Variants in ERAP1 observed in about 807,000 individuals in gnomAD.
The protein encoded by ERAP1 is adipocyte-derived leucine aminopeptidase.
A neutral mutation model predicts 103.7 loss-of-function variants in ERAP1; 86 were observed. The ratio of observed to expected loss-of-function variants is 0.83; its 90% CI spans 0.70 to 0.99. ERAP1 has a LOEUF of 0.99. Among genes scored for constraint, ERAP1 ranks in the 50% least tolerant of loss-of-function variants. The pLI is 0.00. For synonymous variants in ERAP1, 398 were observed against 402.4 expected (o/e 0.99, Z 0.13); for missense variants, 1,009 against 1,128.4 (o/e 0.89, Z 1.52).
chr5:96,905,070 T>C, the ERAP1 span, among the ~76,000 whole-genome samples: 1 of 152,302 alleles, frequency 6.6e-6, no homozygotes, highest in East Asian at 1.9e-4. Context: ...GAGGATTGCA[T>C]AGGTAATGAA....
At chr5:96,836,231 T>G in the ERAP1 span, among the ~76,000 whole-genome samples, 145 of 145,138 alleles carry the variant, frequency 1.0e-3, 1 homozygote, top group East Asian at 0.02. Flanking sequence ...AGACAGAGTC[T>G]CACTCTGTCA....
In ERAP1 at chr5:96,781,047, G is replaced by A; in HGVS notation, c.2588+11C>T. 1 of 1,613,948 alleles carries A rather than the reference G, an allele frequency of 6.2e-7. No homozygotes were observed. The highest frequency in any genetic ancestry group is 8.5e-7 in the Non-Finnish European group (1 of 1,179,948). ...TTATCCAGTCACAGCACAATTTTTG[G>A]CACCACTTACTTTTGTACAAGTTTG... is the stretch of plus-strand genomic sequence containing the variant. On this transcript the variant is annotated intron_variant, in intron 17 of 18. Coordinates refer to ENST00000443439, the MANE Select transcript of ERAP1 (RefSeq NM_001040458.3).
At position 96,774,524 on chromosome 5, in the gene ERAP1, T is replaced by A; in HGVS notation, c.*1872A>T. Reference sequence around the variant, plus strand: ...AATTTTTTATTATCAAAAAGGTTTCTGCACATTGTTGTGGCAATATTGTAT... The same window carrying A: ...AATTTTTTATTATCAAAAAGGTTTCAGCACATTGTTGTGGCAATATTGTAT... On this transcript the variant is annotated 3_prime_UTR_variant, in exon 19 of 19. Transcript: ENST00000443439. 1.0e-6 allele frequency: 1 copy of A among 986,256 alleles called. No individual in the cohort carries two copies. Among genetic ancestry groups the A allele is most frequent in the South Asian group, 4.7e-5 (1 of 21,290 alleles). 61.1% of individuals were successfully genotyped at this position (986,256 alleles called of 1,614,324 possible). A position where few individuals can be genotyped will look rare whatever the true frequency, so the allele number is the denominator to read the frequency against.
chr5:96,811,719 G>C (rs1055563171), upstream of ERAP1, among the ~76,000 whole-genome samples: 2 of 152,236 alleles, frequency 1.3e-5, no homozygotes, highest in South Asian at 4.1e-4. Context: ...AACAACTCAA[G>C]CAAGTTGAGT....
chr5:96,853,852 A>C, the ERAP1 span, among the ~76,000 whole-genome samples: 2 of 149,420 alleles, frequency 1.3e-5, no homozygotes, highest in Admixed American at 1.4e-4. Flanking sequence ...AAAAGTTCTA[A>C]AAAAAAAAAA....
chr5:96,902,366 T>G, the ERAP1 span: 1 of 1,549,204 alleles, frequency 6.5e-7, no homozygotes, highest in Non-Finnish European at 8.9e-7. Context: ...AATGAACTAA[T>G]TAGCCAAACA....
chr5:96,903,568 A>G, the ERAP1 span: 2 of 1,585,994 alleles, frequency 1.3e-6, no homozygotes, highest in South Asian at 2.3e-5. Flanking sequence ...TGGGTAAGGC[A>G]ACATTTCCTC....
the ERAP1 span, among the ~76,000 whole-genome samples, chr5:96,844,057 G>T: frequency 6.6e-6 from 1 of 152,156 alleles, no homozygotes; most frequent in Non-Finnish European, 1.5e-5. Context: ...AGCCTGAACT[G>T]CCTAATTCTC....
chr5:96,872,528 G>T, the ERAP1 span, among the ~76,000 whole-genome samples: 2 of 152,142 alleles, frequency 1.3e-5, no homozygotes, highest in East Asian at 3.8e-4. Context: ...GAGCCCAGGA[G>T]GTTGAGGCTC....
chr5:96,825,087 C>T, the ERAP1 span, among the ~76,000 whole-genome samples: 1 of 152,186 alleles, frequency 6.6e-6, no homozygotes, highest in African/African-American at 2.4e-5. Context: ...TTTCTATTTA[C>T]TTGGTCATTG....
chr5:96,834,049 C>T, the ERAP1 span, among the ~76,000 whole-genome samples: 18 of 152,286 alleles, frequency 1.2e-4, no homozygotes, highest in East Asian at 3.9e-4. Flanking sequence ...GAAAAACTGA[C>T]ACTTAAAATG....
the ERAP1 span, chr5:96,917,934 A>C: frequency 2.5e-5 from 4 of 161,116 alleles, no homozygotes; most frequent in Non-Finnish European, 5.3e-5. Context: ...AAAAAGAAAA[A>C]GAAAAAGAAA....
At chr5:96,786,708 T>A in intron 11 of ERAP1, 159 bp from the exon 12 acceptor site, 1 of 612,390 alleles carries the variant, frequency 1.6e-6, no homozygotes, top group South Asian at 1.9e-5. Flanking sequence ...GTTTTCCAGC[T>A]TTGTAGGGAG....
chr5:96,784,378 TG>T (rs767213120), intron 13 of ERAP1, among the ~76,000 whole-genome samples: 6 of 152,054 alleles, frequency 3.9e-5, no homozygotes, highest in Non-Finnish European at 7.4e-5. Context: ...ACTTGGTATG[TG>T]GGAGGCTGAG....
intron 6 of ERAP1, 122 bp downstream of exon 6, chr5:96,793,681 G>T: frequency 1.7e-6 from 2 of 1,164,570 alleles, no homozygotes; most frequent in Non-Finnish European, 2.4e-6. Context: ...CGAATGCTTT[G>T]GAGAAACAAT....
the ERAP1 span, among the ~76,000 whole-genome samples, chr5:96,825,858 TC>T: frequency 1.3e-5 from 1 of 78,068 alleles, no homozygotes; most frequent in Admixed American, 1.2e-4. Context: ...TGTTTAAACA[TC>T]AAAAAAAAAA....
chr5:96,797,276 C>A lies in ERAP1; in HGVS notation c.697G>T (p.Glu233Ter). 1 of 1,614,204 alleles carries A rather than the reference C, an allele frequency of 6.2e-7. No homozygotes were observed. Among genetic ancestry groups the A allele is most frequent in the East Asian group, 2.2e-5 (1 of 44,888 alleles). Residue 233 changes from glutamate (E) to a stop codon, truncating the protein, a stop_gained, in exon 4 of 19, where the codon GAA becomes TAA. Coordinates refer to ENST00000443439, the MANE Select transcript of ERAP1 (RefSeq NM_001040458.3). LOFTEE classifies it high-confidence loss of function. ...TTCACAGTGACATCAAAATGGTCTT[C>A]TATGAGTCCTTCAGCAACAGTCACA... ...KSVTVAEGLI[E>*]DHFDVTVKMS...
At chr5:96,841,265 ACT>A in the ERAP1 span, among the ~76,000 whole-genome samples, 1 of 152,112 alleles carries the variant, frequency 6.6e-6, no homozygotes, top group East Asian at 1.9e-4. Flanking sequence ...CGAGGACACC[ACT>A]GATATTCTGG....
At chr5:96,901,627 G>T in the ERAP1 span, 1 of 1,613,972 alleles carries the variant, frequency 6.2e-7, no homozygotes, top group Non-Finnish European at 8.5e-7. Flanking sequence ...CAACAGGAGC[G>T]CTTCCTCCAG....
Sources: gnomAD v4.1 joint callset for allele counts (sites outside exome capture counted in the v4.1 genomes callset) on GRCh38, gnomAD v4.1.1 for gene constraint, MANE v1.5 for transcripts, NCBI Gene and HGNC (gene_info 2026-07-23, HGNC 2026-07-21) for gene names.